Variants in TAB1 observed in about 807,000 individuals in gnomAD.
TAB1 encodes the protein TGF-beta-activated kinase 1 and MAP3K7-binding protein 1.
Under a neutral mutation model 54.5 loss-of-function variants are expected in TAB1, and 30 were observed. The ratio of observed to expected loss-of-function variants is 0.55; its 90% CI spans 0.41 to 0.75. TAB1 has a LOEUF of 0.75. Among genes scored for constraint, TAB1 ranks in the 30% least tolerant of loss-of-function variants. TAB1 has a pLI of 0.00. For synonymous variants in TAB1, 289 were observed against 286.9 expected, an observed-to-expected ratio of 1.01 and a Z score of -0.07; for missense variants, 609 against 683.2, an observed-to-expected ratio of 0.89 and a Z score of 1.21.
downstream of TAB1, among the ~76,000 whole-genome samples, chr22:39,435,309 A>G (rs143915450): frequency 2.2e-3 from 330 of 152,178 alleles, 1 homozygote; most frequent in African/African-American, 7.7e-3. Context: ...AGCTGTGTCA[A>G]TCCTGTAGGT....
chr22:39,434,528 G>A (rs1414799972), downstream of TAB1, among the ~76,000 whole-genome samples: 2 of 152,226 alleles, frequency 1.3e-5, no homozygotes, highest in Non-Finnish European at 2.9e-5. Flanking sequence ...CGATGAGCTC[G>A]GCATGAGCAC....
chr22:39,406,564 C>T (rs1446765588), intron 1 of TAB1, among the ~76,000 whole-genome samples: 1 of 152,030 alleles, frequency 6.6e-6, no homozygotes, highest in Admixed American at 6.6e-5. Flanking sequence ...ACAGGCTTTG[C>T]CTTACCATGG....
chr22:39,436,716 T>C, downstream of TAB1: 1 of 642,256 alleles, frequency 1.6e-6, no homozygotes, highest in Non-Finnish European at 2.7e-6. Context: ...CCCTCCCTCA[T>C]GCATCTGTGT....
At chr22:39,407,272 C>T (rs1926405413) in intron 1 of TAB1, among the ~76,000 whole-genome samples, 1 of 152,168 alleles carries the variant, frequency 6.6e-6, no homozygotes, top group South Asian at 2.1e-4. Flanking sequence ...ATCCTGCCGC[C>T]TAACTGATTT....
chr22:39,428,655 C>G (rs930281499), intron 10 of TAB1, among the ~76,000 whole-genome samples: 2 of 152,206 alleles, frequency 1.3e-5, no homozygotes, highest in African/African-American at 4.8e-5. Context: ...CCTCCAGCCG[C>G]AGACCTGCCT....
chr22:39,416,703 A>G (rs1926846502), intron 3 of TAB1, 88 bp from the exon 4 acceptor site: 6 of 1,259,194 alleles, frequency 4.8e-6, no homozygotes, highest in Non-Finnish European at 5.8e-6. Flanking sequence ...AAGACAGCAA[A>G]GCTGCTGCTC....
Position 39,411,754 on chromosome 22 carries a change from A to G in TAB1, c.34-3252A>G, listed in dbSNP as rs536947380. The stretch of plus-strand genomic sequence containing the variant: ...TTACCCTGGATAAATGAAAAGTTAC[A>G]TTCATACAAAAACCTGTACATGAAT... On this transcript the variant is annotated intron_variant, in intron 1 of 10. Transcript: ENST00000216160. Among the ~76,000 whole-genome samples, 37 of 152,362 alleles carry G rather than the reference A, an allele frequency of 2.4e-4. No homozygotes were observed. In the South Asian group the frequency reaches 7.2e-3, roughly 30 times the overall value.
chr22:39,400,724 T>C (rs1246549129), intron 1 of TAB1, among the ~76,000 whole-genome samples: 1 of 152,192 alleles, frequency 6.6e-6, no homozygotes, highest in Non-Finnish European at 1.5e-5. Flanking sequence ...TCTATGGACT[T>C]GTCTGCCTCC....
chr22:39,433,080 C>T (rs549314099), downstream of TAB1: 31 of 985,382 alleles, frequency 3.1e-5, no homozygotes, highest in Middle Eastern at 5.2e-4. Context: ...CCATAGCCTC[C>T]GTGGGGAAAG....
chr22:39,436,279 C>T (rs563220543), downstream of TAB1, among the ~76,000 whole-genome samples: 18 of 151,110 alleles, frequency 1.2e-4, no homozygotes, highest in African/African-American at 3.6e-4. Flanking sequence ...GGCAACAGAG[C>T]GAGACTCCGT....
chr22:39,410,623 A>G (rs928901560), intron 1 of TAB1, among the ~76,000 whole-genome samples: 1 of 150,090 alleles, frequency 6.7e-6, no homozygotes, highest in Non-Finnish European at 1.5e-5. Context: ...TTCAAAGGCT[A>G]TTAGAAGGCG....
rs149394087 is a variant in TAB1, at chr22:39,426,769, G to A, written c.988G>A (p.Val330Ile). Residue 330 changes from valine (V) to isoleucine (I), a missense_variant, in exon 9 of 11, where the codon GTC becomes ATC. Val to Ile is a conservative substitution (Grantham distance 29, BLOSUM62 3). Coordinates refer to ENST00000216160, the MANE Select transcript of TAB1 (RefSeq NM_006116.3). ...QTSLDAVAQAVVDRVKRIHSD... is the reference protein window; with the variant it reads ...QTSLDAVAQAIVDRVKRIHSD... ...CTCCCTGGACGCAGTGGCCCAGGCC[G>A]TCGTGGACCGGGTGAAGCGCATCCA... 39 of 1,613,884 alleles carry A rather than the reference G, an allele frequency of 2.4e-5. No individual in the cohort carries two copies. Among genetic ancestry groups the A allele is most frequent in the Middle Eastern group, 1.6e-4 (1 of 6,082 alleles).
At chr22:39,425,046 T>A (rs1218995765) in intron 8 of TAB1, among the ~76,000 whole-genome samples, 1 of 152,156 alleles carries the variant, frequency 6.6e-6, no homozygotes, top group African/African-American at 2.4e-5. Flanking sequence ...ACAACCATTC[T>A]GTTTTTCACT....
downstream of TAB1, chr22:39,432,613 T>C: frequency 5.1e-6 from 2 of 394,538 alleles, no homozygotes; most frequent in Non-Finnish European, 3.4e-6. Flanking sequence ...CCCTGAACAC[T>C]CCTGGAGCTT....
At position 39,430,783 on chromosome 22, in the gene TAB1, G is replaced by A. The variant is rs5750822; in HGVS notation, c.*561G>A. The A allele has an allele frequency of 0.7, 694,404 of 994,624 alleles. 243,442 individuals are homozygous for A. The highest frequency in any genetic ancestry group is 1 in the East Asian group (9,451 of 9,470). 61.6% of individuals were successfully genotyped at this position (994,624 alleles called of 1,614,324 possible). A position where few individuals can be genotyped will look rare whatever the true frequency, so the allele number is the denominator to read the frequency against. ...CTTGGTTGTGTCATCTGTTGTAAAC[G>A]TTCAGGAGGACCAGGGCAGCATCTG... On this transcript the variant is annotated 3_prime_UTR_variant, in exon 11 of 11. Transcript: ENST00000216160.
chr22:39,425,186 A>G (rs936636421), intron 8 of TAB1, among the ~76,000 whole-genome samples: 4 of 151,666 alleles, frequency 2.6e-5, no homozygotes, highest in African/African-American at 9.7e-5. Flanking sequence ...CATCCTGGCT[A>G]ATACGGTGAA....
chr22:39,412,028 A>ATTGTTTTGTT (rs3043616), intron 1 of TAB1, among the ~76,000 whole-genome samples: 2 of 151,946 alleles, frequency 1.3e-5, no homozygotes, highest in African/African-American at 4.8e-5. Flanking sequence ...ATTGTGTGAC[A>ATTGTTTTGTT]TTGTTTTGTT....
chr22:39,414,220 C>T (rs1926726914), intron 1 of TAB1, among the ~76,000 whole-genome samples: 2 of 152,086 alleles, frequency 1.3e-5, no homozygotes, highest in South Asian at 4.2e-4. Flanking sequence ...CCAAAGAGTC[C>T]CGAAGGACCC....
rs199503368 is a variant in TAB1, at chr22:39,414,967, C to T, written c.34-39C>T. The stretch of plus-strand genomic sequence containing the variant: ...GGTGAAGTGGGGACTACCCTGCAGA[C>T]GCGGTGGCGTCTCACGGCTTCCTGG... On this transcript the variant is annotated intron_variant, in intron 1 of 10. Coordinates refer to ENST00000216160, the MANE Select transcript of TAB1 (RefSeq NM_006116.3). 1,514 of 1,612,216 alleles carry T rather than the reference C, an allele frequency of 9.4e-4. 10 individuals are homozygous for T. In the African/African-American group the frequency reaches 0.014, roughly 15 times the overall value.
Sources: allele counts gnomAD v4.1 joint callset (sites outside exome capture counted in the v4.1 genomes callset), GRCh38; gene constraint gnomAD v4.1.1; transcripts MANE v1.5; gene names NCBI Gene and HGNC (gene_info 2026-07-23, HGNC 2026-07-21).